IRAK1BP1: variants seen among roughly 807,000 people sequenced by gnomAD.
The protein encoded by IRAK1BP1 is interleukin 1 receptor associated kinase 1 binding protein 1.
A neutral mutation model predicts 28.0 loss-of-function variants in IRAK1BP1; 24 were observed. That is an observed-to-expected ratio of 0.86 (90% CI 0.62 to 1.20). The LOEUF (loss-of-function observed/expected upper bound fraction) is 1.20, where lower values mean the gene tolerates loss of function less well. IRAK1BP1 is among the 50% of genes most tolerant of loss of function. The pLI is 0.00. For synonymous variants in IRAK1BP1, 131 were observed against 116.3 expected, an observed-to-expected ratio of 1.13 and a Z score of -0.81; for missense variants, 336 against 316.7, an observed-to-expected ratio of 1.06 and a Z score of -0.46.
At chr6:78,955,115 G>A in the IRAK1BP1 span, 2 of 888,134 alleles carry the variant, frequency 2.3e-6, no homozygotes, top group Non-Finnish European at 3.3e-6. Context: ...TTTTGTAATT[G>A]AAACTAATTT....
the IRAK1BP1 span, among the ~76,000 whole-genome samples, chr6:78,951,529 T>C: frequency 7.9e-5 from 12 of 152,170 alleles, no homozygotes. Context: ...AAAAAGTAGA[T>C]TATCCGAAGT....
At chr6:78,971,542 G>T in the IRAK1BP1 span, among the ~76,000 whole-genome samples, 2 of 152,170 alleles carry the variant, frequency 1.3e-5, no homozygotes, top group African/African-American at 4.8e-5. Flanking sequence ...GGCCGAATAG[G>T]AACAGCTCCG....
the IRAK1BP1 span, among the ~76,000 whole-genome samples, chr6:78,973,593 A>G: frequency 1.8e-5 from 1 of 55,256 alleles, no homozygotes; most frequent in Middle Eastern, 6.3e-3. Flanking sequence ...AAATTGGATA[A>G]ACAGTCAAGA....
In IRAK1BP1 at chr6:78,867,712, G is replaced by T. The variant is rs755672349; in HGVS notation, c.136G>T (p.Ala46Ser). ...ACGCCACCCCCTCTCCTCAACACAA[G>T]CCCAAACTGCTACCCGCGAGGTGCA... ...GLRHPLSSTQ[A>S]QTATREVQVS... is the part of the protein sequence containing the mutation. The change falls in exon 1 of 4, where the codon GCC becomes TCC. Residue 46 changes from alanine (A) to serine (S), a missense_variant. Physicochemically the swap from Ala to Ser is moderately conservative, Grantham distance 99 (BLOSUM62 1). Transcript: ENST00000369940. 3 of 1,614,238 alleles carry T rather than the reference G, an allele frequency of 1.9e-6. No individual in the cohort carries two copies. The East Asian group carries it at 6.7e-5, about 36-fold the overall frequency.
downstream of IRAK1BP1, among the ~76,000 whole-genome samples, chr6:78,904,699 G>A (rs758627132): frequency 1.3e-5 from 2 of 151,928 alleles, no homozygotes; most frequent in Non-Finnish European, 2.9e-5. Context: ...ATCAACTCCA[G>A]CCCAAGTAAA....
chr6:78,955,019 G>A, the IRAK1BP1 span: 2 of 1,296,858 alleles, frequency 1.5e-6, no homozygotes, highest in African/African-American at 1.5e-5. Context: ...AATAAAATTT[G>A]TACTTTTAAT....
chr6:78,967,311 TAAG>T, the IRAK1BP1 span, among the ~76,000 whole-genome samples: 1 of 152,194 alleles, frequency 6.6e-6, no homozygotes, highest in Non-Finnish European at 1.5e-5. Context: ...TATAGTTTAA[TAAG>T]AAGCATTCTT....
At position 78,902,368 on chromosome 6, in the gene IRAK1BP1, T is replaced by C. The variant is rs1291177938; in HGVS notation, c.*4034T>C. ...CCAGGCTGGTCTCAAACTCCTGGCTTCAAGCAGTCCTGCCTCAGCTTCCCA... is the reference window on the plus strand; with the variant it reads ...CCAGGCTGGTCTCAAACTCCTGGCTCCAAGCAGTCCTGCCTCAGCTTCCCA... On this transcript the variant is annotated 3_prime_UTR_variant, in exon 4 of 4. Coordinates refer to ENST00000369940, the MANE Select transcript of IRAK1BP1 (RefSeq NM_001010844.4). 6.5e-6 allele frequency: 1 copy of C among 153,168 alleles called. No homozygotes were observed. Among genetic ancestry groups the C allele is most frequent in the African/African-American group, 2.4e-5 (1 of 41,466 alleles). 9.5% of individuals were successfully genotyped at this position (153,168 alleles called of 1,614,324 possible).
At chr6:78,877,295 T>G (rs1771035713) in intron 1 of IRAK1BP1, among the ~76,000 whole-genome samples, 1 of 152,224 alleles carries the variant, frequency 6.6e-6, no homozygotes, top group African/African-American at 2.4e-5. Context: ...CTTTCTTAGA[T>G]TCTATGTCCT....
At chr6:78,964,105 T>C in the IRAK1BP1 span, among the ~76,000 whole-genome samples, 1 of 152,200 alleles carries the variant, frequency 6.6e-6, no homozygotes, top group Non-Finnish European at 1.5e-5. Flanking sequence ...TGAGTTCAAA[T>C]TCAAACTTTC....
At chr6:78,953,471 G>T in the IRAK1BP1 span, among the ~76,000 whole-genome samples, 1 of 152,160 alleles carries the variant, frequency 6.6e-6, no homozygotes, top group East Asian at 1.9e-4. Flanking sequence ...ACATAGCTGA[G>T]CTTGCAAGAA....
chr6:78,932,957 A>G (rs912886939), intron 4 of IRAK1BP1, among the ~76,000 whole-genome samples: 1 of 152,128 alleles, frequency 6.6e-6, no homozygotes, highest in Non-Finnish European at 1.5e-5. Flanking sequence ...TAAAATATTC[A>G]GTAAACCATG....
At position 78,899,152 on chromosome 6, in the gene IRAK1BP1, T is replaced by C. The variant is rs1228091426; in HGVS notation, c.*818T>C. 1.3e-5 allele frequency: 2 copies of C among 152,224 alleles called. No homozygotes were observed. Among genetic ancestry groups the C allele is most frequent in the South Asian group, 2.1e-4 (1 of 4,834 alleles). 9.4% of individuals were successfully genotyped at this position (152,224 alleles called of 1,614,324 possible). On this transcript the variant is annotated 3_prime_UTR_variant, in exon 4 of 4. Transcript: ENST00000369940. ...TGGAGGGTTCACTGCTTTTTATCCA[T>C]GAACAGAAGCAAACCTGCTCTTTGC...
Position 78,899,482 on chromosome 6 carries a change from G to A in IRAK1BP1, c.*1148G>A, listed in dbSNP as rs182138350. The A allele has an allele frequency of 2.6e-5, 4 of 152,332 alleles. No homozygotes were observed. Among genetic ancestry groups the A allele is most frequent in the Admixed American group, 2.6e-4 (4 of 15,300 alleles). The allele number at this position is 152,332 out of a possible 1,614,324, so 9.4% of individuals were successfully genotyped here. A position where few individuals can be genotyped will look rare whatever the true frequency, so the allele number is the denominator to read the frequency against. Reference sequence around the variant, plus strand: ...ATGTTTTGATGCCAAAAATAAAAGAGTTAATGTTTGGATCGGACTCCAACA... The same window carrying A: ...ATGTTTTGATGCCAAAAATAAAAGAATTAATGTTTGGATCGGACTCCAACA... On this transcript the variant is annotated 3_prime_UTR_variant, in exon 4 of 4. Transcript: ENST00000369940.
At chr6:78,945,090 T>C (rs1773727542) in intron 4 of IRAK1BP1, among the ~76,000 whole-genome samples, 1 of 152,144 alleles carries the variant, frequency 6.6e-6, no homozygotes. Context: ...TTCTTTTTTT[T>C]TTTTTTCTTT....
At chr6:78,912,160 C>A (rs1222763870) in intron 4 of IRAK1BP1, among the ~76,000 whole-genome samples, 2 of 152,006 alleles carry the variant, frequency 1.3e-5, no homozygotes, top group Non-Finnish European at 2.9e-5. Flanking sequence ...GACAACTTCC[C>A]AGAAGAGGAT....
the IRAK1BP1 span, among the ~76,000 whole-genome samples, chr6:78,965,235 CT>C: frequency 2.0e-5 from 3 of 152,134 alleles, no homozygotes; most frequent in Admixed American, 6.5e-5. Flanking sequence ...AAGGTATTAG[CT>C]TTGACGGTTT....
chr6:78,887,243 C>T (rs1343889725), intron 2 of IRAK1BP1, among the ~76,000 whole-genome samples: 2 of 152,082 alleles, frequency 1.3e-5, no homozygotes, highest in African/African-American at 4.8e-5. Context: ...AGACATTTAT[C>T]AAAAGAAGAC....
At chr6:78,944,542 G>C (rs1773698403) in intron 4 of IRAK1BP1, among the ~76,000 whole-genome samples, 1 of 152,026 alleles carries the variant, frequency 6.6e-6, no homozygotes, top group Non-Finnish European at 1.5e-5. Context: ...TGTTATGGAG[G>C]GAGAAACAAC....
Sources: allele counts gnomAD v4.1 joint callset (sites outside exome capture counted in the v4.1 genomes callset), GRCh38; gene constraint gnomAD v4.1.1; transcripts MANE v1.5; gene names NCBI Gene and HGNC (gene_info 2026-07-23, HGNC 2026-07-21).